Variants in IRAG2 observed in about 807,000 individuals in gnomAD.
IRAG2 encodes the protein inositol 1,4,5-triphosphate receptor associated 2, also known as lymphoid restricted membrane protein.
IRAG2 carries 45 observed loss-of-function variants against 69.9 expected under a neutral mutation model. The observed-to-expected ratio is 0.64, with a 90% CI of 0.51 to 0.83. The LOEUF (loss-of-function observed/expected upper bound fraction) is 0.83. Among genes scored for constraint, IRAG2 ranks in the 40% least tolerant of loss-of-function variants. The probability of loss-of-function intolerance (pLI) is 0.00; values close to 1 mark genes in which losing one functional copy is unlikely to be tolerated. For synonymous variants in IRAG2, 193 were observed against 202.4 expected, an observed-to-expected ratio of 0.95 and a Z score of 0.40; for missense variants, 520 against 587.0, an observed-to-expected ratio of 0.89 and a Z score of 1.18.
chr12:25,067,107 A>AGTT (rs1212624925), intron 5 of IRAG2, among the ~76,000 whole-genome samples: 1 of 152,196 alleles, frequency 6.6e-6, no homozygotes, highest in African/African-American at 2.4e-5. Context: ...TAGACTGCTA[A>AGTT]GTTAACATAG....
chr12:25,008,583 A>G (rs1033702511), intron 2 of IRAG2, among the ~76,000 whole-genome samples: 1 of 152,138 alleles, frequency 6.6e-6, no homozygotes, highest in Non-Finnish European at 1.5e-5. Flanking sequence ...TACTAAAAAT[A>G]TAAAAATTAC....
intron 20 of IRAG2, among the ~76,000 whole-genome samples, chr12:25,106,190 AAATC>A (rs1446877352): frequency 6.6e-6 from 1 of 151,932 alleles, no homozygotes; most frequent in Non-Finnish European, 1.5e-5. Context: ...GAAAGGAATA[AAATC>A]AATAATAATG....
At chr12:25,019,463 G>A (rs1944560284) in intron 6 of IRAG2, among the ~76,000 whole-genome samples, 3 of 152,204 alleles carry the variant, frequency 2.0e-5, no homozygotes, top group African/African-American at 7.2e-5. Flanking sequence ...CTGGAGTTTA[G>A]CTGTCCCAGC....
chr12:25,081,712 T>C (rs12321656), intron 9 of IRAG2, among the ~76,000 whole-genome samples: 5,657 of 152,314 alleles, frequency 0.037, 335 homozygotes, highest in African/African-American at 0.13. Flanking sequence ...CAGCATTGTC[T>C]GTAATAACAA....
intron 13 of IRAG2, 97 bp downstream of exon 13, chr12:25,089,887 G>A (rs754646061): frequency 2.3e-5 from 31 of 1,356,722 alleles, no homozygotes; most frequent in Admixed American, 3.4e-5. Flanking sequence ...CATATGCTCG[G>A]TGTCTGTTTG....
chr12:25,085,361 G>A (rs894588995), intron 10 of IRAG2, among the ~76,000 whole-genome samples: 1 of 151,924 alleles, frequency 6.6e-6, no homozygotes, highest in Non-Finnish European at 1.5e-5. Context: ...ATGGGAAGGG[G>A]GTATTCCCCT....
At chr12:25,049,175 C>T (rs12310415), upstream of IRAG2, among the ~76,000 whole-genome samples, 4,761 of 152,194 alleles carry the variant, frequency 0.031, 238 homozygotes, top group African/African-American at 0.11. Flanking sequence ...AGTCGGGTAG[C>T]GTGATGCCTC....
chr12:25,012,364 A>G (rs983360107), intron 3 of IRAG2, among the ~76,000 whole-genome samples: 2 of 151,354 alleles, frequency 1.3e-5, no homozygotes, highest in African/African-American at 4.9e-5. Flanking sequence ...CATGTTGTCC[A>G]GGCTGGTCTC....
chr12:25,033,745 A>G (rs947423587), intron 12 of IRAG2: 5 of 394,646 alleles, frequency 1.3e-5, no homozygotes, highest in African/African-American at 1.0e-4. Context: ...TCCTTGGCAC[A>G]TGGCACTGAT....
chr12:25,016,882 G>C (rs12370968), intron 5 of IRAG2, among the ~76,000 whole-genome samples: 20,662 of 152,076 alleles, frequency 0.14, 1,874 homozygotes, highest in South Asian at 0.34. Context: ...AAAAACTGTA[G>C]AAGTTGATTT....
At chr12:25,085,903 T>A (rs866402422) in intron 10 of IRAG2, among the ~76,000 whole-genome samples, 10 of 152,208 alleles carry the variant, frequency 6.6e-5, no homozygotes, top group African/African-American at 2.4e-4. Flanking sequence ...ACATTTTTTT[T>A]AGTTAAATCC....
intron 16 of IRAG2, among the ~76,000 whole-genome samples, chr12:25,045,026 A>G (rs1944782081): frequency 6.6e-6 from 1 of 152,150 alleles, no homozygotes; most frequent in Admixed American, 6.5e-5. Context: ...AAAGAGTAAC[A>G]AATTTAAGAT....
At chr12:25,051,358 T>G (rs1254603214), upstream of IRAG2, among the ~76,000 whole-genome samples, 1 of 152,208 alleles carries the variant, frequency 6.6e-6, no homozygotes, top group Non-Finnish European at 1.5e-5. Flanking sequence ...AGTGGCATTC[T>G]GACTAAATGT....
In IRAG2 at chr12:25,054,513, G is replaced by A. The variant is rs193225082; in HGVS notation, c.-447+1557G>A. ...TTTAATAACTTACCCCAAAGTGCAC[G>A]TTCTTGATATTATGAACTTGCTATT... On this transcript the variant is annotated intron_variant, in intron 1 of 21. Coordinates refer to ENST00000556887, the MANE Select transcript of IRAG2 (RefSeq NM_001366544.2). Among the ~76,000 whole-genome samples the A allele has an allele frequency of 2.1e-3, 325 of 152,196 alleles. 1 individual carries two copies. The highest frequency in any genetic ancestry group is 7.4e-3 in the African/African-American group (306 of 41,532).
upstream of IRAG2, among the ~76,000 whole-genome samples, chr12:25,048,134 G>A (rs542337178): frequency 1.3e-5 from 2 of 152,202 alleles, no homozygotes; most frequent in Admixed American, 6.5e-5. Context: ...TGTTGTTTCT[G>A]GGATTTTTAA....
intron 1 of IRAG2, among the ~76,000 whole-genome samples, chr12:25,059,647 C>G (rs1269415517): frequency 6.6e-6 from 1 of 152,170 alleles, no homozygotes; most frequent in Non-Finnish European, 1.5e-5. Flanking sequence ...AGCCACCGCA[C>G]CCAGCCTAGA....
chr12:24,999,110 A>T, the IRAG2 span, among the ~76,000 whole-genome samples: 1 of 152,348 alleles, frequency 6.6e-6, no homozygotes, highest in South Asian at 2.1e-4. Context: ...CATGTTGTTT[A>T]CATATACATT....
At position 25,079,479 on chromosome 12, in the gene IRAG2, A is replaced by G. The variant is rs770088025; in HGVS notation, c.136+17A>G. The G allele has an allele frequency of 1.2e-6, 2 of 1,600,066 alleles. No individual in the cohort carries two copies. The highest frequency in any genetic ancestry group is 1.7e-6 in the Non-Finnish European group (2 of 1,167,292). On this transcript the variant is annotated intron_variant, in intron 8 of 21. Coordinates refer to ENST00000556887, the MANE Select transcript of IRAG2 (RefSeq NM_001366544.2). ...CTTCAAGTGGTAAGTGGATTTGGAAATAATATTAAAATAGACTGTTAGTAT... is the reference window on the plus strand; with the variant it reads ...CTTCAAGTGGTAAGTGGATTTGGAAGTAATATTAAAATAGACTGTTAGTAT...
At chr12:25,090,010 T>C in intron 13 of IRAG2, 47 bp from the exon 14 acceptor site, 1 of 1,587,590 alleles carries the variant, frequency 6.3e-7, no homozygotes, top group Non-Finnish European at 8.6e-7. Context: ...TCTGACCACA[T>C]CCGGTTTTCT....
Sources: gnomAD v4.1 joint callset for allele counts (sites outside exome capture counted in the v4.1 genomes callset) on GRCh38, gnomAD v4.1.1 for gene constraint, MANE v1.5 for transcripts, NCBI Gene and HGNC (gene_info 2026-07-23, HGNC 2026-07-21) for gene names.